The following CACNA2D3 variants were observed in gnomAD, a reference collection of about 807,000 sequenced individuals.
CACNA2D3 encodes calcium voltage-gated channel auxiliary subunit alpha2delta 3.
Under a neutral mutation model 160.6 loss-of-function variants are expected in CACNA2D3, and 60 were observed. The observed-to-expected ratio is 0.37, with a 90% confidence interval of 0.30 to 0.46. The LOEUF (loss-of-function observed/expected upper bound fraction) is 0.46. Among genes scored for constraint, CACNA2D3 ranks in the 20% least tolerant of loss-of-function variants. CACNA2D3 has a pLI of 1.00. For missense variants in CACNA2D3, 1,205 were observed against 1,365.0 expected (o/e 0.88, Z 1.85); for synonymous variants, 558 against 492.9 (o/e 1.13, Z -1.75).
chr3:55,000,376 A>G (rs1200490272), intron 31 of CACNA2D3, among the ~76,000 whole-genome samples: 1 of 152,148 alleles, frequency 6.6e-6, no homozygotes, highest in Non-Finnish European at 1.5e-5. Context: ...TGGCAATAGT[A>G]TCAGGAAAGC....
At chr3:54,930,346 C>T (rs1338793494) in intron 27 of CACNA2D3, among the ~76,000 whole-genome samples, 1 of 152,166 alleles carries the variant, frequency 6.6e-6, no homozygotes, top group East Asian at 1.9e-4. Context: ...TTCTTATGTC[C>T]AGAACCTTGT....
chr3:54,646,379 A>G (rs1341113839), intron 11 of CACNA2D3, among the ~76,000 whole-genome samples: 1 of 149,720 alleles, frequency 6.7e-6, no homozygotes, highest in African/African-American at 2.5e-5. Flanking sequence ...CCCAGCATCC[A>G]TTAGCTATTC....
At chr3:54,179,235 A>G (rs1242695471) in intron 2 of CACNA2D3, among the ~76,000 whole-genome samples, 1 of 152,206 alleles carries the variant, frequency 6.6e-6, no homozygotes, top group Non-Finnish European at 1.5e-5. Context: ...TTTGACTCAA[A>G]GTAGGAATGT....
At chr3:55,060,401 A>C (rs1704478058) in intron 35 of CACNA2D3, among the ~76,000 whole-genome samples, 1 of 152,100 alleles carries the variant, frequency 6.6e-6, no homozygotes, top group Admixed American at 6.5e-5. Context: ...AGTTATATAG[A>C]GTGTAAAGGA....
At chr3:54,808,624 A>G (rs1278668984) in intron 13 of CACNA2D3, among the ~76,000 whole-genome samples, 1 of 152,166 alleles carries the variant, frequency 6.6e-6, no homozygotes, top group East Asian at 1.9e-4. Context: ...TTGGCCTCTT[A>G]CCTAGGGCAA....
chr3:54,752,837 G>T (rs202119812), intron 12 of CACNA2D3, among the ~76,000 whole-genome samples, 160 bp downstream of exon 12: 4 of 144,240 alleles, frequency 2.8e-5, no homozygotes, highest in Non-Finnish European at 4.5e-5. Flanking sequence ...TCCAAATTAT[G>T]TTTTTTTTTT....
Position 54,569,716 on chromosome 3 carries a change from G to A in CACNA2D3, c.677-79G>A. The stretch of plus-strand genomic sequence containing the variant: ...ATTTTTCACCCTGTCCATTCAATCA[G>A]CAAAGTAGAGCAGCCTTGAAATGCT... On this transcript the variant is annotated intron_variant, in intron 6 of 37. Transcript: ENST00000474759. 7 of 1,177,614 alleles carry A rather than the reference G, an allele frequency of 5.9e-6. No individual in the cohort carries two copies. In the Admixed American group the frequency reaches 9.9e-5, roughly 17 times the overall value. The allele number at this position is 1,177,614 out of a possible 1,614,324, so 72.9% of individuals were successfully genotyped here.
chr3:54,180,739 C>G (rs1379725814), intron 2 of CACNA2D3, among the ~76,000 whole-genome samples: 1 of 152,220 alleles, frequency 6.6e-6, no homozygotes, highest in Non-Finnish European at 1.5e-5. Flanking sequence ...CCCTAACAGA[C>G]CTGGCTGTTG....
intron 35 of CACNA2D3, among the ~76,000 whole-genome samples, chr3:55,041,793 T>C (rs1703966134): frequency 6.6e-6 from 1 of 152,158 alleles, no homozygotes; most frequent in Non-Finnish European, 1.5e-5. Context: ...TAATAAACAT[T>C]TAAATCTATA....
At chr3:54,252,773 C>G (rs895296831) in intron 2 of CACNA2D3, among the ~76,000 whole-genome samples, 3 of 152,124 alleles carry the variant, frequency 2.0e-5, no homozygotes, top group African/African-American at 4.8e-5. Flanking sequence ...TTCCTGTGCT[C>G]CTACCATCCT....
At chr3:54,430,953 A>G (rs1190819765) in intron 4 of CACNA2D3, among the ~76,000 whole-genome samples, 1 of 152,190 alleles carries the variant, frequency 6.6e-6, no homozygotes, top group African/African-American at 2.4e-5. Flanking sequence ...CAATAAACAT[A>G]AACAGTCGAT....
chr3:54,244,373 C>T (rs187667475), intron 2 of CACNA2D3, among the ~76,000 whole-genome samples: 3 of 152,252 alleles, frequency 2.0e-5, no homozygotes, highest in East Asian at 1.9e-4. Context: ...TGAATGAGAC[C>T]GCATATGTGC....
At chr3:54,736,950 T>C (rs971276335) in intron 11 of CACNA2D3, among the ~76,000 whole-genome samples, 2 of 152,124 alleles carry the variant, frequency 1.3e-5, no homozygotes, top group African/African-American at 2.4e-5. Context: ...TGGTACCAGG[T>C]TTGGGGCTGA....
chr3:54,925,038 A>T (rs1183926534), intron 27 of CACNA2D3: 1 of 1,614,012 alleles, frequency 6.2e-7, no homozygotes, highest in Non-Finnish European at 8.5e-7. Flanking sequence ...AAGATGGTGT[A>T]TCTGATTATC....
intron 4 of CACNA2D3, among the ~76,000 whole-genome samples, chr3:54,422,530 T>C (rs1699853163): frequency 6.6e-6 from 1 of 152,140 alleles, no homozygotes; most frequent in South Asian, 2.1e-4. Flanking sequence ...AGTAGATATA[T>C]AGGCAACAGA....
chr3:54,962,280 G>A (rs887190072), intron 27 of CACNA2D3, among the ~76,000 whole-genome samples: 19 of 152,094 alleles, frequency 1.2e-4, no homozygotes, highest in Admixed American at 1.2e-3. Flanking sequence ...AATTCTCTAA[G>A]AGCCTGCTTG....
In CACNA2D3 at chr3:54,784,333, T is replaced by C. The variant is rs1438946094; in HGVS notation, c.1380+19982T>C. On this transcript the variant is annotated intron_variant, in intron 13 of 37. Transcript: ENST00000474759. ...CTTCCAGGAAGCAGGCCAATTAACC[T>C]TGGGGCTAAGAGTTGGTATCTTTTA... Among the ~76,000 whole-genome samples, 8 of 152,276 alleles carry C rather than the reference T, an allele frequency of 5.3e-5. No individual in the cohort carries two copies. In the East Asian group the frequency reaches 1.4e-3, roughly 26 times the overall value.
intron 27 of CACNA2D3, among the ~76,000 whole-genome samples, chr3:54,937,080 C>T (rs1254957784): frequency 6.6e-6 from 1 of 152,178 alleles, no homozygotes; most frequent in Non-Finnish European, 1.5e-5. Context: ...CCCTTAGAGA[C>T]TGGTGTTTCT....
chr3:54,473,184 T>G (rs71623643), intron 4 of CACNA2D3, among the ~76,000 whole-genome samples: 1 of 151,902 alleles, frequency 6.6e-6, no homozygotes, highest in Non-Finnish European at 1.5e-5. Flanking sequence ...CCAAAACAGA[T>G]ATATAGACCA....
Sources: gnomAD v4.1 joint callset for allele counts (sites outside exome capture counted in the v4.1 genomes callset) on GRCh38, gnomAD v4.1.1 for gene constraint, MANE v1.5 for transcripts, NCBI Gene and HGNC (gene_info 2026-07-23, HGNC 2026-07-21) for gene names.